TPST2: variants seen among roughly 807,000 people sequenced by gnomAD.
TPST2 encodes tyrosylprotein sulfotransferase 2.
In TPST2, 16 loss-of-function variants were observed where a neutral mutation model predicts 27.8. That is an observed-to-expected ratio of 0.58 (90% CI 0.39 to 0.88). TPST2 has a LOEUF of 0.88. TPST2 is among the 40% of genes least tolerant of loss of function. TPST2 has a pLI of 0.00. For missense variants in TPST2, 464 were observed against 543.1 expected, an observed-to-expected ratio of 0.85 and a Z score of 1.45; for synonymous variants, 229 against 231.7, an observed-to-expected ratio of 0.99 and a Z score of 0.10.
chr22:26,531,008 TCAAAAA>T (rs3037015), intron 5 of TPST2, among the ~76,000 whole-genome samples: 28 of 151,764 alleles, frequency 1.8e-4, no homozygotes, highest in Non-Finnish European at 2.4e-4. Flanking sequence ...AAACTCCATC[TCAAAAA>T]CAAAAACAAA....
chr22:26,555,012 G>T (rs1023529855), intron 1 of TPST2, among the ~76,000 whole-genome samples: 4 of 152,212 alleles, frequency 2.6e-5, no homozygotes, highest in African/African-American at 7.2e-5. Context: ...TCCCTTTAGG[G>T]TAGTGGTTAA....
intron 5 of TPST2, among the ~76,000 whole-genome samples, chr22:26,531,119 T>C (rs1439088908): frequency 6.6e-6 from 1 of 152,202 alleles, no homozygotes; most frequent in African/African-American, 2.4e-5. Context: ...TTGTTGCTTT[T>C]AGGAACAAAA....
intron 1 of TPST2, among the ~76,000 whole-genome samples, chr22:26,556,285 T>C (rs1006604930): frequency 6.6e-6 from 1 of 152,114 alleles, no homozygotes; most frequent in Non-Finnish European, 1.5e-5. Context: ...ATGTCTATAA[T>C]CCCAGCACCT....
intron 5 of TPST2, among the ~76,000 whole-genome samples, chr22:26,532,002 T>C (rs916570364): frequency 2.6e-5 from 4 of 152,166 alleles, no homozygotes; most frequent in African/African-American, 9.7e-5. Flanking sequence ...GGCATGATGG[T>C]GTGTGTCTGT....
chr22:26,528,292 G>A, intron 5 of TPST2, 30 bp from the exon 6 acceptor site: 2 of 1,556,040 alleles, frequency 1.3e-6, no homozygotes. Context: ...AGAAGAAGGG[G>A]TCACGGCCAG....
chr22:26,528,781 G>C (rs1924982338), intron 5 of TPST2, among the ~76,000 whole-genome samples: 1 of 152,090 alleles, frequency 6.6e-6, no homozygotes, highest in South Asian at 2.1e-4. Flanking sequence ...TCAGGAGTTT[G>C]AGACCAGCCT....
chr22:26,577,469 C>T (rs1175791711), intron 1 of TPST2, among the ~76,000 whole-genome samples: 3 of 150,904 alleles, frequency 2.0e-5, no homozygotes, highest in Admixed American at 6.6e-5. Context: ...CTCATCCTCC[C>T]GAGTAGTAGC....
intron 2 of TPST2, among the ~76,000 whole-genome samples, chr22:26,542,401 G>T (rs1925915486): frequency 6.6e-6 from 1 of 151,522 alleles, no homozygotes. Flanking sequence ...TAGAAACAGG[G>T]TCTCGCTTCA....
At chr22:26,564,674 G>A (rs911257987) in intron 1 of TPST2, among the ~76,000 whole-genome samples, 1 of 152,136 alleles carries the variant, frequency 6.6e-6, no homozygotes, top group Non-Finnish European at 1.5e-5. Context: ...CCTTGCCTTG[G>A]GCCGGTGCTC....
intron 4 of TPST2, chr22:26,535,996 G>A: frequency 2.0e-6 from 1 of 508,028 alleles, no homozygotes; most frequent in South Asian, 1.9e-5. Flanking sequence ...GGAAATAGGG[G>A]TAAAAATGTA....
chr22:26,548,739 C>T (rs765900966), intron 1 of TPST2, among the ~76,000 whole-genome samples: 2 of 151,212 alleles, frequency 1.3e-5, no homozygotes, highest in African/African-American at 4.9e-5. Flanking sequence ...AGGCAGGAGG[C>T]TCGCTTGAGC....
intron 1 of TPST2, among the ~76,000 whole-genome samples, chr22:26,578,266 C>T (rs558387599): frequency 6.6e-6 from 1 of 152,310 alleles, no homozygotes; most frequent in Admixed American, 6.5e-5. Flanking sequence ...TGAGATCTCA[C>T]AGCAGGTTTT....
intron 1 of TPST2, among the ~76,000 whole-genome samples, chr22:26,580,522 C>A (rs1476958404): frequency 6.6e-6 from 1 of 152,204 alleles, no homozygotes; most frequent in Non-Finnish European, 1.5e-5. Context: ...ACACTACCTT[C>A]CCAATGTTAA....
rs533273381 is a variant in TPST2 at position 26,528,775 on chromosome 22, G to C, written c.1093-513C>G. On this transcript the variant is annotated intron_variant, in intron 5 of 6. Coordinates refer to ENST00000338754, the MANE Select transcript of TPST2 (RefSeq NM_003595.5). ...AGGAGGGTGGATCACCTGAGGTCAG[G>C]AGTTTGAGACCAGCCTGGCCAACAT... Among the ~76,000 whole-genome samples, 141 of 152,246 alleles carry C rather than the reference G, an allele frequency of 9.3e-4. 2 individuals are homozygous for C. The highest frequency in any genetic ancestry group is 3.3e-3 in the African/African-American group (139 of 41,544).
intron 1 of TPST2, among the ~76,000 whole-genome samples, chr22:26,587,956 T>A (rs1320934203): frequency 6.6e-6 from 1 of 151,560 alleles, no homozygotes; most frequent in Non-Finnish European, 1.5e-5. Flanking sequence ...TAAAATAAAT[T>A]AAAAAAATAT....
At chr22:26,529,725 G>T (rs1384250199) in intron 5 of TPST2, among the ~76,000 whole-genome samples, 1 of 152,142 alleles carries the variant, frequency 6.6e-6, no homozygotes, top group Non-Finnish European at 1.5e-5. Flanking sequence ...TACCTGAGTT[G>T]TATTCTTTTT....
intron 1 of TPST2, among the ~76,000 whole-genome samples, chr22:26,568,864 CTT>C (rs985608738): frequency 2.3e-4 from 27 of 119,590 alleles, no homozygotes; most frequent in Admixed American, 1.1e-4. Context: ...ACCCTGAATT[CTT>C]TTTTTTTTTT....
intron 1 of TPST2, among the ~76,000 whole-genome samples, chr22:26,567,575 G>A (rs1332200216): frequency 1.3e-5 from 2 of 152,120 alleles, no homozygotes; most frequent in African/African-American, 4.8e-5. Context: ...AGCTTGTCCT[G>A]GATTCCAATG....
chr22:26,530,818 T>C (rs530289903), intron 5 of TPST2, among the ~76,000 whole-genome samples: 30 of 152,228 alleles, frequency 2.0e-4, no homozygotes, highest in South Asian at 1.9e-3. Context: ...GAGACCAGCC[T>C]GGCCAACATG....
Sources: allele counts gnomAD v4.1 joint callset (sites outside exome capture counted in the v4.1 genomes callset), GRCh38; gene constraint gnomAD v4.1.1; transcripts MANE v1.5; gene names NCBI Gene and HGNC (gene_info 2026-07-23, HGNC 2026-07-21).